PAGE5: variants seen among roughly 807,000 people sequenced by gnomAD.
PAGE5 encodes the protein P antigen family member 5.
A neutral mutation model predicts 8.1 loss-of-function variants in PAGE5; 8 were observed. The ratio of observed to expected loss-of-function variants is 0.98; its 90% CI spans 0.58 to 1.77. The LOEUF is 1.77. PAGE5 is among the 40% of genes most tolerant of loss of function. The pLI, the probability that PAGE5 is intolerant of heterozygous loss-of-function variation, is 0.00. For synonymous variants in PAGE5, 30 were observed against 27.0 expected (o/e 1.11, Z -0.35); for missense variants, 64 against 77.6 (o/e 0.82, Z 0.66).
chrX:55,222,024 G>A, intron 3 of PAGE5, 149 bp downstream of exon 3: 1 of 634,397 alleles, frequency 1.6e-6, no homozygotes. Context: ...GGTGGGACAA[G>A]GACACATAAA....
Position 55,220,729 on chromosome X carries a change from C to T in PAGE5, c.-9+277C>T, listed in dbSNP as rs759606699. 59 of 990,966 alleles carry T rather than the reference C, an allele frequency of 6.0e-5. 1 individual carries two copies. In the South Asian group the frequency reaches 1.1e-3, roughly 19 times the overall value. 81.7% of individuals were successfully genotyped at this position (990,966 alleles called of 1,213,427 possible). On this transcript the variant is annotated intron_variant, in intron 1 of 4. Transcript: ENST00000374955. ...GGTGCTGTTAGAGGTGTCTGAGTCC[C>T]GAAAACGCCTGGAACTCTCTGAGGG...
At chrX:55,221,651 C>G (rs1244745670) in intron 2 of PAGE5, 116 bp from the exon 3 acceptor site, 24 of 905,942 alleles carry the variant, frequency 2.6e-5, no homozygotes, top group South Asian at 2.0e-4. Context: ...ATATTTTACT[C>G]TCTCTCTATA....
chrX:55,222,827 C>T (rs1937911740), intron 4 of PAGE5, 81 bp downstream of exon 4: 1 of 1,065,545 alleles, frequency 9.4e-7, no homozygotes, highest in Non-Finnish European at 1.3e-6. Flanking sequence ...GGTAAAATTA[C>T]TGCTACTTTA....
At chrX:55,221,563 TA>T (rs767817133) in intron 2 of PAGE5, 100 bp downstream of exon 2, 2 of 998,225 alleles carry the variant, frequency 2.0e-6, no homozygotes, top group East Asian at 3.3e-5. Flanking sequence ...TCCATGCTAA[TA>T]AAAAATGATG....
At position 55,220,360 on chromosome X, in the gene PAGE5, G is replaced by C; in HGVS notation, c.-101G>C. On this transcript the variant is annotated 5_prime_UTR_variant, in exon 1 of 5. Coordinates refer to ENST00000374955, the MANE Select transcript of PAGE5 (RefSeq NM_001013435.3). ...TTTCTGCCCACCTTCTGTCTAGGCA[G>C]AGCTCTGCAAGGAGAGGTTGTGTCT... 1 of 397,783 alleles carries C rather than the reference G, an allele frequency of 2.5e-6. No individual in the cohort carries two copies. Among genetic ancestry groups the C allele is most frequent in the Non-Finnish European group, 4.5e-6 (1 of 222,739 alleles). The allele number at this position is 397,783 out of a possible 1,213,427, so 32.8% of individuals were successfully genotyped here.
Position 55,222,731 on chromosome X carries a change from A to G in PAGE5, c.301A>G (p.Lys101Glu), listed in dbSNP as rs1937909814. The G allele has an allele frequency of 4.1e-6, 5 of 1,207,551 alleles. No homozygotes were observed. The highest frequency in any genetic ancestry group is 5.6e-6 in the Non-Finnish European group (5 of 893,882). ...GACTCTGCCCACTTTTGATCCCACTAAAGTGCTGGAAGCAGGTATGTTATT... is the reference window on the plus strand; with the variant it reads ...GACTCTGCCCACTTTTGATCCCACTGAAGTGCTGGAAGCAGGTATGTTATT... ...EGTLPTFDPTKVLEAGEGQL is the reference protein window; with the variant it reads ...EGTLPTFDPTEVLEAGEGQL Residue 101 changes from lysine (K) to glutamate (E), a missense_variant, in exon 4 of 5, where the codon AAA becomes GAA. By Grantham distance (56) the Lys-to-Glu change is moderately conservative (BLOSUM62 1). Coordinates refer to ENST00000374955, the MANE Select transcript of PAGE5 (RefSeq NM_001013435.3).
At chrX:55,221,579 C>T in intron 2 of PAGE5, 116 bp downstream of exon 2, 1 of 970,140 alleles carries the variant, frequency 1.0e-6, no homozygotes, top group South Asian at 2.5e-5. Flanking sequence ...ATGATGATGG[C>T]ATCTCATGAA....
intron 4 of PAGE5, among the ~76,000 whole-genome samples, chrX:55,223,704 C>G (rs1333319824): frequency 1.8e-5 from 2 of 111,535 alleles, no homozygotes; most frequent in Admixed American, 1.9e-4. Flanking sequence ...CATATTTTTA[C>G]TTTCCACTTA....
chrX:55,220,527 G>A, intron 1 of PAGE5, 75 bp downstream of exon 1: 1 of 1,061,465 alleles, frequency 9.4e-7, no homozygotes, highest in Non-Finnish European at 1.3e-6. Context: ...GCTTAGGACA[G>A]GTCCCGTGGC....
At chrX:55,222,418 A>C (rs1266198924) in intron 3 of PAGE5, among the ~76,000 whole-genome samples, 1 of 112,388 alleles carries the variant, frequency 8.9e-6, no homozygotes, top group African/African-American at 3.2e-5. Flanking sequence ...TGAGTACAAA[A>C]GGAACAAGTA....
intron 3 of PAGE5, among the ~76,000 whole-genome samples, chrX:55,222,238 T>C (rs1366037140): frequency 8.9e-6 from 1 of 112,192 alleles, no homozygotes; most frequent in East Asian, 2.8e-4. Context: ...TGCGGACATC[T>C]CTCATGTATT....
intron 2 of PAGE5, 117 bp downstream of exon 2, chrX:55,221,580 A>G: frequency 1.0e-6 from 1 of 971,650 alleles, no homozygotes; most frequent in Admixed American, 3.1e-5. Context: ...TGATGATGGC[A>G]TCTCATGAAG....
At chrX:55,223,171 T>G (rs1224157465) in intron 4 of PAGE5, among the ~76,000 whole-genome samples, 17 of 112,711 alleles carry the variant, frequency 1.5e-4, no homozygotes, top group African/African-American at 3.2e-5. Flanking sequence ...TTTTACATGA[T>G]AAATATATAT....
At chrX:55,220,668 G>T in intron 1 of PAGE5, 1 of 1,193,132 alleles carries the variant, frequency 8.4e-7, no homozygotes, top group South Asian at 1.9e-5. Flanking sequence ...CGTGGAGGGG[G>T]TAGATCGCCT....
intron 1 of PAGE5, among the ~76,000 whole-genome samples, chrX:55,221,059 C>T (rs1937884846): frequency 9.0e-6 from 1 of 110,805 alleles, no homozygotes; most frequent in Non-Finnish European, 1.9e-5. Flanking sequence ...GCAGCAGTCA[C>T]TTCAGTTTCA....
chrX:55,222,008 C>T (rs755586841), intron 3 of PAGE5, 133 bp downstream of exon 3: 22 of 720,074 alleles, frequency 3.1e-5, no homozygotes, highest in South Asian at 1.6e-4. Context: ...TGCTGCTGTG[C>T]GGAGGGGTGG....
At chrX:55,220,693 T>C in intron 1 of PAGE5, 3 of 1,151,912 alleles carry the variant, frequency 2.6e-6, no homozygotes, top group Middle Eastern at 5.4e-4. Context: ...ATGGTGCGAG[T>C]CCTGGGGGTG....
In PAGE5 at chrX:55,222,629, G is replaced by A; in HGVS notation, c.199G>A (p.Val67Met). 1 of 1,207,167 alleles carries A rather than the reference G, an allele frequency of 8.3e-7. No individual in the cohort carries two copies. The highest frequency in any genetic ancestry group is 1.1e-6 in the Non-Finnish European group (1 of 891,264). ...EGAPAVQGTD[V>M]EAFQQELALL... ...GACTTTTTATCTTTAAGGGACTGAT[G>A]TGGAAGCTTTTCAACAGGAACTGGC... Residue 67 changes from valine (V) to methionine (M), a missense_variant, in exon 4 of 5, where the codon GTG (valine) becomes ATG (methionine). Physicochemically the swap from Val to Met is conservative, Grantham distance 21. Transcript: ENST00000374955.
Position 55,222,733 on chromosome X carries a change from A to G in PAGE5, c.303A>G (p.Lys101=). 4 of 1,209,658 alleles carry G rather than the reference A, an allele frequency of 3.3e-6. No homozygotes were observed. The African/African-American group carries it at 5.2e-5, about 16-fold the overall frequency. The part of the protein sequence containing the change: ...EGTLPTFDPT[K]VLEAGEGQL ...CTCTGCCCACTTTTGATCCCACTAA[A>G]GTGCTGGAAGCAGGTATGTTATTCA... Residue 101 remains lysine, a synonymous_variant, in exon 4 of 5, where the codon AAA becomes AAG. Transcript: ENST00000374955.
Sources: gnomAD v4.1 joint callset for allele counts (sites outside exome capture counted in the v4.1 genomes callset) on GRCh38, gnomAD v4.1.1 for gene constraint, MANE v1.5 for transcripts, NCBI Gene and HGNC (gene_info 2026-07-23, HGNC 2026-07-21) for gene names.